TSG101: variants seen among roughly 807,000 people sequenced by gnomAD.
TSG101 encodes tumor susceptibility gene 101 protein.
A neutral mutation model predicts 48.5 loss-of-function variants in TSG101; 19 were observed. The observed-to-expected ratio is 0.39, with a 90% CI of 0.27 to 0.58. The LOEUF (loss-of-function observed/expected upper bound fraction) is 0.58, where lower values mean the gene tolerates loss of function less well. Ranked by LOEUF, TSG101 falls within the 20% of genes least tolerant of loss-of-function variation. The pLI, the probability that TSG101 is intolerant of heterozygous loss-of-function variation, is 0.55. For missense variants in TSG101, 365 were observed against 484.4 expected, an observed-to-expected ratio of 0.75 and a Z score of 2.31; for synonymous variants, 174 against 169.4, an observed-to-expected ratio of 1.03 and a Z score of -0.21.
intron 1 of TSG101, 46 bp from the exon 2 acceptor site, chr11:18,519,649 A>C: frequency 7.3e-7 from 1 of 1,367,042 alleles, no homozygotes; most frequent in Non-Finnish European, 1.0e-6. Flanking sequence ...ACCAATGCAT[A>C]TATTTTACAG....
intron 1 of TSG101, among the ~76,000 whole-genome samples, chr11:18,523,308 A>C (rs1339629345): frequency 5.3e-5 from 8 of 151,686 alleles, no homozygotes; most frequent in Non-Finnish European, 1.2e-4. Context: ...AGCATTCCCC[A>C]TTTCTTCCCT....
intron 4 of TSG101, among the ~76,000 whole-genome samples, chr11:18,512,829 G>A (rs1391869116): frequency 1.3e-5 from 2 of 150,106 alleles, no homozygotes; most frequent in South Asian, 4.2e-4. Context: ...CCAGGTTCAA[G>A]CGATTCTCCT....
intron 8 of TSG101, among the ~76,000 whole-genome samples, chr11:18,483,511 AG>A (rs1185524693): frequency 7.8e-5 from 11 of 141,144 alleles, no homozygotes; most frequent in African/African-American, 2.6e-4. Flanking sequence ...AAAAAAAAAA[AG>A]GAGTGCCTTT....
At chr11:18,491,677 G>A (rs1316268347) in intron 7 of TSG101, among the ~76,000 whole-genome samples, 3 of 152,198 alleles carry the variant, frequency 2.0e-5, no homozygotes, top group African/African-American at 7.2e-5. Flanking sequence ...GAACTTTAGG[G>A]TGGCCTTGGG....
intron 7 of TSG101, among the ~76,000 whole-genome samples, chr11:18,484,935 CTTTTTTT>C (rs529154247): frequency 1.9e-5 from 2 of 108,016 alleles, no homozygotes; most frequent in Admixed American, 1.2e-4. Flanking sequence ...TAATTGCCGC[CTTTTTTT>C]TTTTTTTTTT....
Position 18,514,956 on chromosome 11 carries a change from C to T in TSG101, c.194-115G>A, listed in dbSNP as rs1850147529. On this transcript the variant is annotated intron_variant, in intron 3 of 9. Coordinates refer to ENST00000251968, the MANE Select transcript of TSG101 (RefSeq NM_006292.4). The stretch of plus-strand genomic sequence containing the variant: ...AATTTATACATATATCCGCATCCCC[C>T]CCATTCCTATTTCCCCCAGCAGAAT... 10 of 938,062 alleles carry T rather than the reference C, an allele frequency of 1.1e-5. No individual in the cohort carries two copies. The South Asian group carries it at 1.8e-4, about 17-fold the overall frequency. 58.1% of individuals were successfully genotyped at this position (938,062 alleles called of 1,614,324 possible).
intron 1 of TSG101, 40 bp downstream of exon 1, chr11:18,526,735 G>A (rs754399845): frequency 1.3e-6 from 2 of 1,592,538 alleles, no homozygotes; most frequent in Non-Finnish European, 1.7e-6. Flanking sequence ...GGAAGGGAGC[G>A]GTGGGCGCGC....
chr11:18,507,876 T>G (rs1488063011), intron 5 of TSG101: 2 of 152,038 alleles, frequency 1.3e-5, no homozygotes, highest in African/African-American at 2.4e-5. Context: ...GGCAGATCAC[T>G]TGAGGTCAGG....
chr11:18,510,319 G>A (rs910305175), intron 4 of TSG101, among the ~76,000 whole-genome samples: 2 of 152,132 alleles, frequency 1.3e-5, no homozygotes, highest in African/African-American at 4.8e-5. Flanking sequence ...TACTCAGGAG[G>A]CTGAGGCAAG....
chr11:18,503,539 AT>A (rs1460184038), intron 6 of TSG101, among the ~76,000 whole-genome samples: 64 of 151,788 alleles, frequency 4.2e-4, no homozygotes, highest in African/African-American at 1.4e-3. Context: ...CACCCGGCTA[AT>A]TTTTTGTATT....
At chr11:18,506,979 G>C in intron 5 of TSG101, 56 bp from the exon 6 acceptor site, 1 of 1,426,180 alleles carries the variant, frequency 7.0e-7, no homozygotes. Flanking sequence ...GAATATGTAG[G>C]CTACTGAATA....
intron 4 of TSG101, among the ~76,000 whole-genome samples, chr11:18,511,753 A>T (rs1850086155): frequency 6.6e-6 from 1 of 152,176 alleles, no homozygotes; most frequent in Non-Finnish European, 1.5e-5. Flanking sequence ...TATTTTCATC[A>T]TCCGAAAAAG....
At position 18,481,795 on chromosome 11, in the gene TSG101, T is replaced by C. The variant is rs1590267520; in HGVS notation, c.918A>G (p.Glu306=). 6.2e-7 allele frequency: 1 copy of C among 1,614,178 alleles called. No homozygotes were observed. The highest frequency in any genetic ancestry group is 8.5e-7 in the Non-Finnish European group (1 of 1,180,032). Residue 306 remains glutamate, a synonymous_variant, in exon 9 of 10, where the codon GAA becomes GAG. Coordinates refer to ENST00000251968, the MANE Select transcript of TSG101 (RefSeq NM_006292.4). ...CGATATCATTGTTTTCAGACTGATT[T>C]TCCATTTTTTCCAGAGCAGAACTGA... ...EELSSALEKM[E]NQSENNDIDE...
At chr11:18,490,282 G>C in intron 7 of TSG101, 1 of 551,290 alleles carries the variant, frequency 1.8e-6, no homozygotes, top group South Asian at 1.5e-5. Flanking sequence ...GTTTTCCGAT[G>C]TCCACAGAGT....
intron 3 of TSG101, 42 bp from the exon 4 acceptor site, chr11:18,514,883 T>C: frequency 6.7e-7 from 1 of 1,491,714 alleles, no homozygotes. Flanking sequence ...ATTTTTATTA[T>C]TTTTAAATTG....
At chr11:18,525,441 G>T (rs1380936781) in intron 1 of TSG101, among the ~76,000 whole-genome samples, 1 of 151,436 alleles carries the variant, frequency 6.6e-6, no homozygotes, top group African/African-American at 2.4e-5. Flanking sequence ...AGCTACTTGG[G>T]AGGCTAAGGC....
At chr11:18,519,350 A>G (rs944342782) in intron 2 of TSG101, among the ~76,000 whole-genome samples, 169 bp downstream of exon 2, 3 of 152,108 alleles carry the variant, frequency 2.0e-5, no homozygotes, top group Non-Finnish European at 4.4e-5. Flanking sequence ...AGAAATATGA[A>G]ATGTTTTTAT....
chr11:18,485,311 C>T (rs1393465558), intron 7 of TSG101, among the ~76,000 whole-genome samples: 3 of 152,146 alleles, frequency 2.0e-5, no homozygotes, highest in South Asian at 2.1e-4. Context: ...ATTCCCAAAA[C>T]GTCAGCACAA....
chr11:18,524,734 T>A (rs1054668711), intron 1 of TSG101, among the ~76,000 whole-genome samples: 1 of 151,978 alleles, frequency 6.6e-6, no homozygotes, highest in Non-Finnish European at 1.5e-5. Flanking sequence ...TAATCACAGG[T>A]TGGGTGGAGG....
Sources: allele counts gnomAD v4.1 joint callset (sites outside exome capture counted in the v4.1 genomes callset), GRCh38; gene constraint gnomAD v4.1.1; transcripts MANE v1.5; gene names NCBI Gene and HGNC (gene_info 2026-07-23, HGNC 2026-07-21).